Variants in PDE6H observed in about 807,000 individuals in gnomAD.
The protein encoded by PDE6H is phosphodiesterase 6H.
A neutral mutation model predicts 9.2 loss-of-function variants in PDE6H; 11 were observed. The observed-to-expected ratio is 1.19, with a 90% confidence interval of 0.75 to 1.97. The LOEUF (loss-of-function observed/expected upper bound fraction) is 1.97. PDE6H is among the 30% of genes most tolerant of loss of function. The probability of loss-of-function intolerance (pLI) is 0.00; values close to 1 mark genes in which losing one functional copy is unlikely to be tolerated. For missense variants in PDE6H, 98 were observed against 101.5 expected, an observed-to-expected ratio of 0.97 and a Z score of 0.15; for synonymous variants, 36 against 33.6, an observed-to-expected ratio of 1.07 and a Z score of -0.25.
intron 3 of PDE6H, among the ~76,000 whole-genome samples, chr12:14,979,968 T>G (rs1237868838): frequency 6.6e-6 from 1 of 152,234 alleles, no homozygotes; most frequent in African/African-American, 2.4e-5. Context: ...CCAATGTCGA[T>G]GCAGTATGTT....
At chr12:14,977,423 C>T (rs1338958584) in intron 1 of PDE6H, among the ~76,000 whole-genome samples, 2 of 152,132 alleles carry the variant, frequency 1.3e-5, no homozygotes, top group Non-Finnish European at 1.5e-5. Context: ...ATATGTAAAG[C>T]TTAAAGAAAT....
intron 3 of PDE6H, among the ~76,000 whole-genome samples, chr12:14,980,726 A>G (rs745989831): frequency 3.2e-4 from 49 of 152,226 alleles, no homozygotes; most frequent in Non-Finnish European, 7.3e-5. Flanking sequence ...GGAATAATGT[A>G]AAGAGGTTTA....
intron 1 of PDE6H, among the ~76,000 whole-genome samples, chr12:14,975,198 A>T (rs1864573055): frequency 6.6e-6 from 1 of 152,158 alleles, no homozygotes; most frequent in Admixed American, 6.5e-5. Context: ...GATCCAACTC[A>T]ATTGGATCTT....
intron 1 of PDE6H, among the ~76,000 whole-genome samples, chr12:14,976,110 G>A (rs75834943): frequency 0.055 from 8,384 of 152,146 alleles, 556 homozygotes; most frequent in East Asian, 0.2. Context: ...GTGAGCCACC[G>A]TGCCTGGCCT....
At chr12:14,978,239 C>T in intron 2 of PDE6H, 93 bp downstream of exon 2, 1 of 1,175,710 alleles carries the variant, frequency 8.5e-7, no homozygotes, top group Non-Finnish European at 1.2e-6. Flanking sequence ...CAATATTAAA[C>T]AGACTTACAA....
chr12:14,975,629 A>C (rs1592304381), intron 1 of PDE6H, among the ~76,000 whole-genome samples: 1 of 152,042 alleles, frequency 6.6e-6, no homozygotes, highest in Non-Finnish European at 1.5e-5. Context: ...GGACAGACAC[A>C]AGGTTTGCCT....
At chr12:14,975,859 C>G (rs528916599) in intron 1 of PDE6H, among the ~76,000 whole-genome samples, 3 of 139,354 alleles carry the variant, frequency 2.2e-5, no homozygotes, top group Non-Finnish European at 4.6e-5. Context: ...CTTGCCCTGT[C>G]GCCCAGGCTG....
intron 1 of PDE6H, among the ~76,000 whole-genome samples, chr12:14,974,408 TCCGGTTA>T (rs1174738247): frequency 1.3e-5 from 2 of 152,206 alleles, no homozygotes; most frequent in Non-Finnish European, 2.9e-5. Flanking sequence ...AGTCGACTGT[TCCGGTTA>T]CCTAGTGCAA....
chr12:14,974,876 T>A (rs1864568975), intron 1 of PDE6H, among the ~76,000 whole-genome samples: 1 of 152,250 alleles, frequency 6.6e-6, no homozygotes, highest in Non-Finnish European at 1.5e-5. Flanking sequence ...TTTGTTTGCA[T>A]GGCTTTCTTT....
intron 3 of PDE6H, among the ~76,000 whole-genome samples, chr12:14,980,223 C>T (rs577222904): frequency 1.3e-5 from 2 of 152,286 alleles, no homozygotes; most frequent in East Asian, 3.9e-4. Context: ...TATAGTTAGA[C>T]TCATACAGTA....
At position 14,981,602 on chromosome 12, in the gene PDE6H, C is replaced by T. The variant is rs1357551227; in HGVS notation, c.*126C>T. 8.3e-6 allele frequency: 6 copies of T among 722,774 alleles called. No individual in the cohort carries two copies. The African/African-American group carries it at 1.0e-4, about 13-fold the overall frequency. 44.8% of individuals were successfully genotyped at this position (722,774 alleles called of 1,614,324 possible). A position where few individuals can be genotyped will look rare whatever the true frequency, so the allele number is the denominator to read the frequency against. ...GGTTTCTTTGACTTTCAAGGTCATT[C>T]CCTATCAGTTACTACTAAGAGTTCT... On this transcript the variant is annotated 3_prime_UTR_variant, in exon 4 of 4. Coordinates refer to ENST00000266395, the MANE Select transcript of PDE6H (RefSeq NM_006205.3).
chr12:14,980,787 A>G (rs780426900), intron 3 of PDE6H, among the ~76,000 whole-genome samples: 23 of 152,298 alleles, frequency 1.5e-4, no homozygotes, highest in Admixed American at 1.2e-3. Context: ...TCAGCTCTAC[A>G]ACTATGTGGT....
At position 14,981,423 on chromosome 12, in the gene PDE6H, G is replaced by C. The variant is rs367633364; in HGVS notation, c.199G>C (p.Glu67Gln). ...AGATATCACAGTGATTTGTCCATGGGAGGCATTCAGCCACCTGGAATTGCA... is the reference window on the plus strand; with the variant it reads ...AGATATCACAGTGATTTGTCCATGGCAGGCATTCAGCCACCTGGAATTGCA... ...GTDITVICPW[E>Q]AFSHLELHEL... is the part of the protein sequence containing the mutation. Residue 67 changes from glutamate to glutamine, a missense_variant, in exon 4 of 4, where the codon GAG becomes CAG. By Grantham distance (29) the Glu-to-Gln change is conservative (BLOSUM62 2). Coordinates refer to ENST00000266395, the MANE Select transcript of PDE6H (RefSeq NM_006205.3). 2 of 1,612,886 alleles carry C rather than the reference G, an allele frequency of 1.2e-6. No individual in the cohort carries two copies. The highest frequency in any genetic ancestry group is 2.7e-5 in the African/African-American group (2 of 74,908).
chr12:14,978,155 A>G lies in PDE6H; in HGVS notation c.134+9A>G, dbSNP rs779956922. The stretch of plus-strand genomic sequence containing the variant: ...AAGAAAGGTGTGAAAGGGTAAGACC[A>G]AAATGAAAAGAAAAACTTTCTATTA... On this transcript the variant is annotated intron_variant, in intron 2 of 3. Transcript: ENST00000266395. 1 of 1,612,862 alleles carries G rather than the reference A, an allele frequency of 6.2e-7. No homozygotes were observed. The highest frequency in any genetic ancestry group is 8.5e-7 in the Non-Finnish European group (1 of 1,179,364).
At chr12:14,978,213 G>A in intron 2 of PDE6H, 67 bp downstream of exon 2, 1 of 1,467,812 alleles carries the variant, frequency 6.8e-7, no homozygotes, top group Admixed American at 1.8e-5. Flanking sequence ...CTTTTGTTTT[G>A]GGAAATTGGT....
chr12:14,977,849 CA>C lies in PDE6H; in HGVS notation c.-41-121del. ...GATGATAACTTCTCCCCTTTTGTGTCAACACAAAATACTGAGCTTTCTTGTT... is the reference window on the plus strand; with the variant it reads ...GATGATAACTTCTCCCCTTTTGTGTCACACAAAATACTGAGCTTTCTTGTT... On this transcript the variant is annotated intron_variant, in intron 1 of 3. Coordinates refer to ENST00000266395, the MANE Select transcript of PDE6H (RefSeq NM_006205.3). 3 of 659,430 alleles carry C rather than the reference CA, an allele frequency of 4.5e-6. No individual in the cohort carries two copies. In the South Asian group the frequency reaches 5.9e-5, roughly 13 times the overall value. 40.8% of individuals were successfully genotyped at this position (659,430 alleles called of 1,614,324 possible).
chr12:14,974,194 G>T (rs1205704045), intron 1 of PDE6H, among the ~76,000 whole-genome samples: 1 of 152,204 alleles, frequency 6.6e-6, no homozygotes, highest in Admixed American at 6.5e-5. Flanking sequence ...AATCAAGTCT[G>T]ATAATACATT....
intron 1 of PDE6H, among the ~76,000 whole-genome samples, chr12:14,975,877 G>A (rs532972787): frequency 6.9e-6 from 1 of 145,562 alleles, no homozygotes; most frequent in East Asian, 2.0e-4. Flanking sequence ...CTGGAGTGCA[G>A]TGGCACAATC....
chr12:14,973,440 T>C (rs1191900786), intron 1 of PDE6H, among the ~76,000 whole-genome samples: 1 of 152,074 alleles, frequency 6.6e-6, no homozygotes, highest in South Asian at 2.1e-4. Context: ...AGAAAACAGT[T>C]CTTTACTCCC....
Sources: gnomAD v4.1 joint callset for allele counts (sites outside exome capture counted in the v4.1 genomes callset) on GRCh38, gnomAD v4.1.1 for gene constraint, MANE v1.5 for transcripts, NCBI Gene and HGNC (gene_info 2026-07-23, HGNC 2026-07-21) for gene names.